DCC: variants seen among roughly 807,000 people sequenced by gnomAD.
The protein encoded by DCC is netrin receptor DCC.
DCC carries 58 observed loss-of-function variants against 172.5 expected under a neutral mutation model. The observed-to-expected ratio is 0.34, with a 90% CI of 0.27 to 0.42. The LOEUF (loss-of-function observed/expected upper bound fraction) is 0.42. DCC is among the 10% of genes least tolerant of loss of function. DCC has a pLI of 1.00. For synonymous variants in DCC, 709 were observed against 644.5 expected, an observed-to-expected ratio of 1.10 and a Z score of -1.52; for missense variants, 1,740 against 1,791.0, an observed-to-expected ratio of 0.97 and a Z score of 0.51.
chr18:53,174,469 C>T lies in DCC; in HGVS notation c.1419-4493C>T, dbSNP rs1192962173. Among the ~76,000 whole-genome samples the T allele has an allele frequency of 1.7e-3, 256 of 148,770 alleles. 1 individual carries two copies. The highest frequency in any genetic ancestry group is 0.013 in the Admixed American group (190 of 14,594). ...AAAAAAGAGAGAAGAATCAAATAGA[C>T]ACAATAAAAAATGATAAAGGGGATA... On this transcript the variant is annotated intron_variant, in intron 8 of 28. Transcript: ENST00000442544.
intron 6 of DCC, 125 bp downstream of exon 6, chr18:53,063,584 G>T: frequency 2.7e-6 from 2 of 747,710 alleles, no homozygotes; most frequent in Non-Finnish European, 4.4e-6. Context: ...TGTTAAAAAA[G>T]TTATTCAAAT....
intron 27 of DCC, among the ~76,000 whole-genome samples, chr18:53,506,666 T>C (rs1275958073): frequency 6.6e-6 from 1 of 151,884 alleles, no homozygotes; most frequent in East Asian, 1.9e-4. Flanking sequence ...AAGACCAGCC[T>C]GGGCAACACA....
At chr18:53,068,107 G>T (rs1197664039) in intron 7 of DCC, among the ~76,000 whole-genome samples, 2 of 152,144 alleles carry the variant, frequency 1.3e-5, no homozygotes, top group African/African-American at 2.4e-5. Flanking sequence ...TTTCTCTGAT[G>T]GACTTCTTTT....
intron 5 of DCC, among the ~76,000 whole-genome samples, chr18:53,023,944 T>G (rs944426863): frequency 2.6e-5 from 4 of 152,096 alleles, no homozygotes; most frequent in African/African-American, 9.7e-5. Flanking sequence ...TCTGGAAAAT[T>G]TAGTCTAAAA....
At chr18:53,213,463 C>A (rs1246117618) in intron 11 of DCC, among the ~76,000 whole-genome samples, 1 of 151,774 alleles carries the variant, frequency 6.6e-6, no homozygotes, top group African/African-American at 2.4e-5. Flanking sequence ...GCCTGACCAA[C>A]ATGGTGAAAC....
At chr18:53,041,376 A>G (rs2042166835) in intron 5 of DCC, among the ~76,000 whole-genome samples, 1 of 151,700 alleles carries the variant, frequency 6.6e-6, no homozygotes, top group Non-Finnish European at 1.5e-5. Flanking sequence ...CTGTTTATAT[A>G]TCTGTTTTGG....
At chr18:52,594,460 C>T (rs949227166) in intron 1 of DCC, among the ~76,000 whole-genome samples, 1 of 152,100 alleles carries the variant, frequency 6.6e-6, no homozygotes, top group East Asian at 1.9e-4. Flanking sequence ...CTTATACTGC[C>T]TATTGGAGAG....
chr18:52,731,370 G>GA (rs1166593594), intron 1 of DCC, among the ~76,000 whole-genome samples: 4 of 152,034 alleles, frequency 2.6e-5, no homozygotes, highest in East Asian at 3.9e-4. Context: ...AAAATGAAAG[G>GA]AAAAAAATGC....
chr18:53,156,412 G>T (rs769000137), intron 7 of DCC, among the ~76,000 whole-genome samples: 2 of 151,924 alleles, frequency 1.3e-5, no homozygotes, highest in Non-Finnish European at 2.9e-5. Flanking sequence ...TGAACCTGGA[G>T]GCTGAGGTTT....
At chr18:52,796,904 C>T (rs2037886958) in intron 2 of DCC, among the ~76,000 whole-genome samples, 1 of 152,040 alleles carries the variant, frequency 6.6e-6, no homozygotes, top group African/African-American at 2.4e-5. Flanking sequence ...AATAGGTTTT[C>T]TATGCCTTTG....
intron 22 of DCC, among the ~76,000 whole-genome samples, chr18:53,435,912 A>T (rs1911911397): frequency 6.6e-6 from 1 of 152,198 alleles, no homozygotes; most frequent in African/African-American, 2.4e-5. Context: ...TCAGGGGACT[A>T]ATGTATGTAT....
At chr18:53,298,275 T>A (rs182407446) in intron 12 of DCC, among the ~76,000 whole-genome samples, 1 of 152,082 alleles carries the variant, frequency 6.6e-6, no homozygotes, top group East Asian at 1.9e-4. Flanking sequence ...GGTGGCTCAC[T>A]CCTGTAATCC....
chr18:53,443,300 C>T (rs1912391183), intron 22 of DCC, among the ~76,000 whole-genome samples: 1 of 152,046 alleles, frequency 6.6e-6, no homozygotes, highest in South Asian at 2.1e-4. Context: ...AATCCTAGGG[C>T]CCTTAAGAAT....
chr18:52,390,390 T>A (rs1263337828), intron 1 of DCC, among the ~76,000 whole-genome samples: 1 of 152,074 alleles, frequency 6.6e-6, no homozygotes, highest in Admixed American at 6.5e-5. Context: ...GGGACAGCTG[T>A]TACAGTCTTG....
chr18:52,774,096 C>T (rs1275540091), intron 2 of DCC, among the ~76,000 whole-genome samples: 2 of 152,152 alleles, frequency 1.3e-5, no homozygotes, highest in Non-Finnish European at 2.9e-5. Flanking sequence ...TAAACTGTGG[C>T]GTGGAGCCAT....
intron 1 of DCC, among the ~76,000 whole-genome samples, chr18:52,421,271 G>T (rs1987238801): frequency 6.6e-6 from 1 of 152,276 alleles, no homozygotes; most frequent in East Asian, 1.9e-4. Context: ...AGGTAGACCA[G>T]GTGTCTGATG....
intron 1 of DCC, among the ~76,000 whole-genome samples, chr18:52,467,816 T>C (rs1988830785): frequency 6.6e-6 from 1 of 152,218 alleles, no homozygotes; most frequent in South Asian, 2.1e-4. Context: ...GAGCTTTTTT[T>C]CATATGTTTG....
At chr18:53,179,954 T>G (rs2055169684) in intron 9 of DCC, among the ~76,000 whole-genome samples, 1 of 152,248 alleles carries the variant, frequency 6.6e-6, no homozygotes, top group Non-Finnish European at 1.5e-5. Flanking sequence ...TAACTGTACC[T>G]GTTTCCTTTT....
At chr18:53,060,373 C>A (rs1314448168) in intron 5 of DCC, among the ~76,000 whole-genome samples, 1 of 152,062 alleles carries the variant, frequency 6.6e-6, no homozygotes, top group Admixed American at 6.6e-5. Flanking sequence ...TACTTCAACT[C>A]CCCATTTAAG....
Sources: gnomAD v4.1 joint callset for allele counts (sites outside exome capture counted in the v4.1 genomes callset) on GRCh38, gnomAD v4.1.1 for gene constraint, MANE v1.5 for transcripts, NCBI Gene and HGNC (gene_info 2026-07-23, HGNC 2026-07-21) for gene names.